The following PTPRD variants were observed in gnomAD, a reference collection of about 807,000 sequenced individuals.
PTPRD encodes protein tyrosine phosphatase receptor type D.
In PTPRD, 34 loss-of-function variants were observed where a neutral mutation model predicts 214.5. The observed-to-expected ratio is 0.16, with a 90% CI of 0.12 to 0.21. The LOEUF (loss-of-function observed/expected upper bound fraction) is 0.21, where lower values mean the gene tolerates loss of function less well. PTPRD is among the 10% of genes least tolerant of loss of function. The pLI is 1.00. For synonymous variants in PTPRD, 1,128 were observed against 845.7 expected (o/e 1.33, Z -5.79); for missense variants, 2,545 against 2,398.7 (o/e 1.06, Z -1.27).
At chr9:10,580,961 T>A (rs1026254415) in intron 2 of PTPRD, among the ~76,000 whole-genome samples, 1 of 152,178 alleles carries the variant, frequency 6.6e-6, no homozygotes, top group African/African-American at 2.4e-5. Context: ...AGAGAAGCAC[T>A]GTTCTCACAG....
intron 7 of PTPRD, among the ~76,000 whole-genome samples, chr9:9,610,393 A>T (rs1400424330): frequency 2.0e-5 from 3 of 152,236 alleles, no homozygotes; most frequent in Non-Finnish European, 4.4e-5. Flanking sequence ...CTACATTTGC[A>T]CTAGCAAAGC....
chr9:10,590,748 C>A (rs2075237699), intron 2 of PTPRD, among the ~76,000 whole-genome samples: 1 of 151,842 alleles, frequency 6.6e-6, no homozygotes, highest in Non-Finnish European at 1.5e-5. Context: ...CTCCTCTATA[C>A]AGGCACTCCC....
At chr9:9,851,089 C>G (rs74460221) in intron 5 of PTPRD, among the ~76,000 whole-genome samples, 2,959 of 152,190 alleles carry the variant, frequency 0.019, 98 homozygotes, top group African/African-American at 0.068. Context: ...AAGTTATAAG[C>G]TTATTTAAGG....
intron 8 of PTPRD, among the ~76,000 whole-genome samples, chr9:9,425,667 A>G (rs1026234313): frequency 2.0e-5 from 3 of 151,746 alleles, no homozygotes; most frequent in African/African-American, 4.8e-5. Context: ...ACTAAATTTT[A>G]TACTTGAAAT....
intron 10 of PTPRD, among the ~76,000 whole-genome samples, chr9:9,063,403 C>T (rs1181793521): frequency 1.3e-5 from 2 of 152,110 alleles, no homozygotes; most frequent in Non-Finnish European, 2.9e-5. Context: ...CCCTCATCAA[C>T]TAATTAGGAT....
At chr9:10,521,551 A>T (rs1164923898) in intron 2 of PTPRD, among the ~76,000 whole-genome samples, 5 of 152,216 alleles carry the variant, frequency 3.3e-5, no homozygotes, top group South Asian at 4.1e-4. Context: ...ACTATAGTCA[A>T]AGTGCCATCA....
chr9:8,876,005 G>A (rs2098385774), intron 11 of PTPRD, among the ~76,000 whole-genome samples: 1 of 152,164 alleles, frequency 6.6e-6, no homozygotes, highest in South Asian at 2.1e-4. Context: ...TTACAACATA[G>A]TGTCTTTATT....
At chr9:9,885,537 A>T (rs2070525353) in intron 5 of PTPRD, among the ~76,000 whole-genome samples, 1 of 152,016 alleles carries the variant, frequency 6.6e-6, no homozygotes, top group Admixed American at 6.6e-5. Context: ...TGCAGATTTG[A>T]ATATGTTAAG....
intron 7 of PTPRD, among the ~76,000 whole-genome samples, chr9:9,606,338 A>T (rs1018038850): frequency 6.6e-6 from 1 of 152,076 alleles, no homozygotes; most frequent in Admixed American, 6.6e-5. Flanking sequence ...CTATCTCATT[A>T]TAATTAGCTT....
chr9:8,689,303 C>T (rs1285938906), intron 12 of PTPRD, among the ~76,000 whole-genome samples: 1 of 151,924 alleles, frequency 6.6e-6, no homozygotes, highest in Non-Finnish European at 1.5e-5. Context: ...GAATATTTTC[C>T]CTCTGTACTA....
intron 10 of PTPRD, among the ~76,000 whole-genome samples, chr9:9,031,496 G>C (rs915143829): frequency 6.6e-6 from 1 of 151,950 alleles, no homozygotes; most frequent in African/African-American, 2.4e-5. Context: ...CAGAATATTT[G>C]TGTATCTAAA....
intron 7 of PTPRD, among the ~76,000 whole-genome samples, chr9:9,651,571 T>C (rs1358202647): frequency 2.0e-5 from 3 of 152,080 alleles, no homozygotes; most frequent in Non-Finnish European, 2.9e-5. Context: ...AAGGACATGA[T>C]TGTGTTCTTT....
At chr9:8,822,339 G>C (rs2097086862) in intron 11 of PTPRD, among the ~76,000 whole-genome samples, 1 of 150,934 alleles carries the variant, frequency 6.6e-6, no homozygotes. Flanking sequence ...AACTCAGATA[G>C]AGAAATAAAA....
intron 7 of PTPRD, among the ~76,000 whole-genome samples, chr9:9,714,674 G>A (rs190559177): frequency 2.2e-4 from 34 of 152,266 alleles, no homozygotes; most frequent in African/African-American, 6.5e-4. Flanking sequence ...AGAAAATACA[G>A]TGAGTACTGA....
At chr9:8,718,138 A>G (rs1438452146) in intron 12 of PTPRD, among the ~76,000 whole-genome samples, 1 of 152,200 alleles carries the variant, frequency 6.6e-6, no homozygotes, top group Non-Finnish European at 1.5e-5. Context: ...AAGCTGGAAA[A>G]TCAGAAAGCA....
chr9:9,293,075 A>G (rs1292152665), intron 9 of PTPRD, among the ~76,000 whole-genome samples: 1 of 151,486 alleles, frequency 6.6e-6, no homozygotes, highest in African/African-American at 2.4e-5. Context: ...ACACGTTGGA[A>G]AGAAGTTACT....
At chr9:10,242,050 G>A (rs1452086052) in intron 3 of PTPRD, among the ~76,000 whole-genome samples, 1 of 151,842 alleles carries the variant, frequency 6.6e-6, no homozygotes, top group Non-Finnish European at 1.5e-5. Context: ...CAGACAAGAG[G>A]AAAAAGGTGC....
intron 6 of PTPRD, among the ~76,000 whole-genome samples, chr9:9,758,500 A>G (rs1223564143): frequency 6.6e-6 from 1 of 152,122 alleles, no homozygotes; most frequent in Admixed American, 6.6e-5. Context: ...AGAATCACCA[A>G]ATGATTGTGA....
chr9:9,746,932 A>G (rs2098464278), intron 6 of PTPRD, among the ~76,000 whole-genome samples: 1 of 152,122 alleles, frequency 6.6e-6, no homozygotes, highest in Non-Finnish European at 1.5e-5. Context: ...ATAAAAAGGA[A>G]ACAGTACATT....
Sources: gnomAD v4.1 joint callset for allele counts (sites outside exome capture counted in the v4.1 genomes callset) on GRCh38, gnomAD v4.1.1 for gene constraint, MANE v1.5 for transcripts, NCBI Gene and HGNC (gene_info 2026-07-23, HGNC 2026-07-21) for gene names.